LRTM1: variants seen among roughly 807,000 people sequenced by gnomAD.
LRTM1 encodes leucine-rich repeat and transmembrane domain-containing protein 1.
A neutral mutation model predicts 32.4 loss-of-function variants in LRTM1; 38 were observed. That is an observed-to-expected ratio of 1.17 (90% CI 0.91 to 1.54). The LOEUF (loss-of-function observed/expected upper bound fraction) is 1.54. Ranked by LOEUF, LRTM1 falls within the 40% of genes most tolerant of loss-of-function variation. The pLI, the probability that LRTM1 is intolerant of heterozygous loss-of-function variation, is 0.00. For missense variants in LRTM1, 466 were observed against 415.4 expected, an observed-to-expected ratio of 1.12 and a Z score of -1.06; for synonymous variants, 186 against 169.9, an observed-to-expected ratio of 1.09 and a Z score of -0.74.
At chr3:54,945,590 A>G (rs1244721194) in intron 1 of LRTM1, among the ~76,000 whole-genome samples, 1 of 152,184 alleles carries the variant, frequency 6.6e-6, no homozygotes, top group Non-Finnish European at 1.5e-5. Flanking sequence ...GGGGCAAGTT[A>G]TGTAAGTTCT....
rs1394010329 is a variant in LRTM1 at position 54,943,026 on chromosome 3, AAAT to A, written c.-221-17814_-221-17812del. Among the ~76,000 whole-genome samples the A allele has an allele frequency of 9.9e-5, 15 of 152,096 alleles. No individual in the cohort carries two copies. In the East Asian group the frequency reaches 2.3e-3, roughly 24 times the overall value. On this transcript the variant is annotated intron_variant, in intron 1 of 2. Transcript: ENST00000493075. ...GCGACAGAGCAACACTCCATCTCAA[AAAT>A]AATAATAAAATAAAAACTCAAAATT...
chr3:54,951,130 G>GT (rs139062425), intron 1 of LRTM1, among the ~76,000 whole-genome samples: 2,892 of 152,292 alleles, frequency 0.019, 69 homozygotes, highest in African/African-American at 0.063. Context: ...GTTGAGAGTT[G>GT]TTTATAATAG....
At chr3:54,961,593 A>T (rs565606358) in intron 1 of LRTM1, among the ~76,000 whole-genome samples, 19 of 152,278 alleles carry the variant, frequency 1.2e-4, no homozygotes, top group East Asian at 7.7e-4. Context: ...TGAAATGGTA[A>T]TTGTCCACAT....
At chr3:54,931,953 G>A (rs570075177), upstream of LRTM1, among the ~76,000 whole-genome samples, 5 of 152,212 alleles carry the variant, frequency 3.3e-5, no homozygotes, top group African/African-American at 1.2e-4. Context: ...GGCTAAGGTG[G>A]GTGGATCACT....
chr3:54,929,742 C>G (rs578053779), upstream of LRTM1, among the ~76,000 whole-genome samples: 2 of 152,114 alleles, frequency 1.3e-5, no homozygotes, highest in Admixed American at 1.3e-4. Context: ...GATTTCTTCC[C>G]TCCTTCCTTC....
intron 1 of LRTM1, among the ~76,000 whole-genome samples, chr3:54,941,564 GT>G (rs1701467645): frequency 6.6e-6 from 1 of 152,050 alleles, no homozygotes; most frequent in Admixed American, 6.6e-5. Context: ...CGACATTTGG[GT>G]TTTTCAATAT....
At chr3:54,959,932 A>G (rs1413989721) in intron 1 of LRTM1, among the ~76,000 whole-genome samples, 1 of 152,198 alleles carries the variant, frequency 6.6e-6, no homozygotes, top group Non-Finnish European at 1.5e-5. Context: ...GGTGAAAAGA[A>G]AATTATTATT....
At chr3:54,930,673 G>T (rs546710694), upstream of LRTM1, among the ~76,000 whole-genome samples, 1 of 152,340 alleles carries the variant, frequency 6.6e-6, no homozygotes, top group East Asian at 1.9e-4. Flanking sequence ...ATGGTCCTGG[G>T]AAAATCCCAG....
chr3:54,930,711 T>C (rs1559634568), upstream of LRTM1, among the ~76,000 whole-genome samples: 1 of 152,316 alleles, frequency 6.6e-6, no homozygotes, highest in East Asian at 1.9e-4. Flanking sequence ...ATTCTATCTG[T>C]AGAATGTAGA....
chr3:54,936,827 T>C (rs2106971202), intron 1 of LRTM1, among the ~76,000 whole-genome samples: 1 of 152,262 alleles, frequency 6.6e-6, no homozygotes, highest in East Asian at 1.9e-4. Flanking sequence ...GTGGAAACAT[T>C]GTGTTCAACA....
At chr3:54,930,779 T>G (rs1701168105), upstream of LRTM1, among the ~76,000 whole-genome samples, 1 of 152,182 alleles carries the variant, frequency 6.6e-6, no homozygotes, top group African/African-American at 2.4e-5. Context: ...GCCTAGCACA[T>G]ATCTGGTAGA....
chr3:54,918,507 A>T lies in LRTM1; in HGVS notation c.990T>A (p.Asp330Glu), dbSNP rs757337364. ...GCTCTTTTTCTTCCACCTTCCCAGG[A>T]TCATTGGTTTGAGCCAAGGGTCCCC... ...YHGGPLAQTN[D>E]PGKVEEKERF... The change falls in exon 3 of 3, where the codon GAT becomes GAA. Residue 330 changes from aspartate (D) to glutamate (E), a missense_variant. By Grantham distance (45) the Asp-to-Glu change is conservative. Transcript: ENST00000273286. 36 of 1,613,794 alleles carry T rather than the reference A, an allele frequency of 2.2e-5. No homozygotes were observed.
intron 1 of LRTM1, among the ~76,000 whole-genome samples, chr3:54,962,591 A>G (rs898346714): frequency 1.3e-5 from 2 of 152,070 alleles, no homozygotes; most frequent in Non-Finnish European, 2.9e-5. Flanking sequence ...AGCCGGTGCA[A>G]CTCTATTGGT....
chr3:54,940,014 G>A (rs868555527), intron 1 of LRTM1, among the ~76,000 whole-genome samples: 26 of 152,064 alleles, frequency 1.7e-4, no homozygotes, highest in Middle Eastern at 3.4e-3. Context: ...GAGCAGATGA[G>A]CATCTCAGAA....
At chr3:54,923,474 G>A (rs1393970637) in intron 2 of LRTM1, among the ~76,000 whole-genome samples, 1 of 152,054 alleles carries the variant, frequency 6.6e-6, no homozygotes, top group African/African-American at 2.4e-5. Flanking sequence ...TATCAAAAAT[G>A]AGACCCACAT....
intron 1 of LRTM1, among the ~76,000 whole-genome samples, chr3:54,944,591 T>G (rs1486764896): frequency 6.6e-6 from 1 of 152,016 alleles, no homozygotes; most frequent in Non-Finnish European, 1.5e-5. Flanking sequence ...TGGCTAATTT[T>G]TTTGTATTTT....
At chr3:54,942,078 A>T (rs956860240) in intron 1 of LRTM1, among the ~76,000 whole-genome samples, 1 of 152,218 alleles carries the variant, frequency 6.6e-6, no homozygotes, top group Non-Finnish European at 1.5e-5. Flanking sequence ...AACTTCAAAT[A>T]GGGTTTACCA....
intron 1 of LRTM1, 116 bp from the exon 2 acceptor site, chr3:54,925,331 A>C: frequency 1.2e-6 from 1 of 807,302 alleles, no homozygotes; most frequent in Admixed American, 2.4e-5. Flanking sequence ...AACCTTCTAC[A>C]ACCTGCAAGA....
rs138987647 is a variant in LRTM1 at position 54,918,711 on chromosome 3, G to A, written c.786C>T (p.Asn262=). ...GVVLRPPENH[N]AGERELLECE... ...ACTCCAAGAGTTCTCGCTCCCCCGC[G>A]TTGTGGTTCTCAGGAGGCCTCAGGA... The change falls in exon 3 of 3, where the codon AAC becomes AAT. Residue 262 remains asparagine, a synonymous_variant. Transcript: ENST00000273286. The A allele has an allele frequency of 2.7e-5, 43 of 1,614,006 alleles. No individual in the cohort carries two copies. The highest frequency in any genetic ancestry group is 5.5e-5 in the South Asian group (5 of 91,086).
Sources: allele counts gnomAD v4.1 joint callset (sites outside exome capture counted in the v4.1 genomes callset), GRCh38; gene constraint gnomAD v4.1.1; transcripts MANE v1.5; gene names NCBI Gene and HGNC (gene_info 2026-07-23, HGNC 2026-07-21).